SHOC1: variants seen among roughly 807,000 people sequenced by gnomAD.
SHOC1 encodes protein shortage in chiasmata 1 ortholog.
A neutral mutation model predicts 179.2 loss-of-function variants in SHOC1; 136 were observed. That is an observed-to-expected ratio of 0.76 (90% confidence interval 0.66 to 0.87). SHOC1 has a LOEUF of 0.87. Ranked by LOEUF, SHOC1 falls within the 40% of genes least tolerant of loss-of-function variation. SHOC1 has a pLI of 0.00. For synonymous variants in SHOC1, 489 were observed against 586.6 expected, an observed-to-expected ratio of 0.83 and a Z score of 2.41; for missense variants, 1,538 against 1,700.8, an observed-to-expected ratio of 0.90 and a Z score of 1.68.
chr9:111,736,405 A>G lies in SHOC1; in HGVS notation c.1417+1875T>C, dbSNP rs1012308594. Among the ~76,000 whole-genome samples, 7 of 152,332 alleles carry G rather than the reference A, an allele frequency of 4.6e-5. No individual in the cohort carries two copies. The South Asian group carries it at 1.4e-3, about 32-fold the overall frequency. On this transcript the variant is annotated intron_variant, in intron 12 of 27. Transcript: ENST00000682961. The stretch of plus-strand genomic sequence containing the variant: ...GGACAGAAGAGAGAACCTAGAATTA[A>G]AGTCGCACACCTACAGCCATCAGAT...
chr9:111,758,658 TA>T lies in SHOC1; in HGVS notation c.596+36del, dbSNP rs762242809. On this transcript the variant is annotated intron_variant, in intron 6 of 27. Coordinates refer to ENST00000682961, the MANE Select transcript of SHOC1 (RefSeq NM_001378211.1). Reference sequence around the variant, plus strand: ...ATCATACTAAAACATTTTCACCTCTTAAAAATATTTACAGCATTGGTCAATT... The same window carrying T: ...ATCATACTAAAACATTTTCACCTCTTAAAATATTTACAGCATTGGTCAATT... The T allele has an allele frequency of 2.0e-6, 3 of 1,519,924 alleles. No homozygotes were observed. In the South Asian group the frequency reaches 3.9e-5, roughly 20 times the overall value. 94.2% of individuals were successfully genotyped at this position (1,519,924 alleles called of 1,614,324 possible). A position where few individuals can be genotyped will look rare whatever the true frequency, so the allele number is the denominator to read the frequency against.
intron 12 of SHOC1, among the ~76,000 whole-genome samples, chr9:111,728,948 G>A (rs1256305601): frequency 6.6e-6 from 1 of 152,164 alleles, no homozygotes; most frequent in Admixed American, 6.5e-5. Flanking sequence ...CAGTACAAAT[G>A]TAAAAGTTAT....
In SHOC1 at chr9:111,766,080, G is replaced by A. The variant is rs144719051; in HGVS notation, c.443-7232C>T. Among the ~76,000 whole-genome samples, 108 of 151,938 alleles carry A rather than the reference G, an allele frequency of 7.1e-4. 1 individual carries two copies. The highest frequency in any genetic ancestry group is 2.5e-3 in the African/African-American group (102 of 41,440). On this transcript the variant is annotated intron_variant, in intron 5 of 27. Transcript: ENST00000682961. ...TCCCTACTACCCTTCCCTGCCTCTG[G>A]TAATCACCATTCTACTCTCTAACTT...
chr9:111,787,589 T>C (rs759339583), intron 2 of SHOC1, among the ~76,000 whole-genome samples: 31 of 152,236 alleles, frequency 2.0e-4, no homozygotes, highest in Non-Finnish European at 8.8e-5. Flanking sequence ...GAGGAGCTGC[T>C]TCTTATGGAT....
intron 5 of SHOC1, among the ~76,000 whole-genome samples, chr9:111,771,759 T>C (rs1317606950): frequency 6.6e-6 from 1 of 152,162 alleles, no homozygotes; most frequent in Non-Finnish European, 1.5e-5. Flanking sequence ...CTGTATGGTT[T>C]TTCATTGAAA....
In SHOC1 at chr9:111,694,267, C is replaced by A. The variant is rs1262271106; in HGVS notation, c.3279G>T (p.Trp1093Cys). The A allele has an allele frequency of 5.0e-6, 8 of 1,610,992 alleles. No individual in the cohort carries two copies. In the African/African-American group the frequency reaches 6.7e-5, roughly 13 times the overall value. Residue 1093 changes from tryptophan to cysteine, a missense_variant, in exon 25 of 28, where the codon TGG becomes TGT. By Grantham distance (215) the Trp-to-Cys change is radical (BLOSUM62 -2). Transcript: ENST00000682961. ...LMTSKRDPHE[W>C]LDKSWLKVSP... ...AAACTTTAAGCCAGGATTTATCCAACCATTCATGAGGATCTCTCTTTGAGG... is the reference window on the plus strand; with the variant it reads ...AAACTTTAAGCCAGGATTTATCCAAACATTCATGAGGATCTCTCTTTGAGG...
At chr9:111,718,344 A>C (rs534817926) in intron 15 of SHOC1, 56 bp from the exon 16 acceptor site, 2 of 1,147,006 alleles carry the variant, frequency 1.7e-6, no homozygotes, top group Admixed American at 5.0e-5. Context: ...GTTTTAGAAT[A>C]TGTATCAGAA....
chr9:111,781,129 T>G, intron 3 of SHOC1, 112 bp from the exon 4 acceptor site: 4 of 734,474 alleles, frequency 5.4e-6, no homozygotes, highest in Non-Finnish European at 8.9e-6. Context: ...TATTCACAAA[T>G]GTATTTTTTC....
intron 24 of SHOC1, among the ~76,000 whole-genome samples, chr9:111,695,106 C>G (rs932973738): frequency 6.6e-6 from 1 of 152,002 alleles, no homozygotes; most frequent in Non-Finnish European, 1.5e-5. Context: ...CCTTCTTTTT[C>G]TGCTTTCATT....
chr9:111,784,154 C>CAG (rs921419491), intron 3 of SHOC1, among the ~76,000 whole-genome samples: 1 of 152,324 alleles, frequency 6.6e-6, no homozygotes, highest in Admixed American at 6.5e-5. Context: ...CTGTCCTGAG[C>CAG]AGCTGTGCTC....
intron 8 of SHOC1, among the ~76,000 whole-genome samples, chr9:111,750,295 T>G (rs981660981): frequency 1.1e-4 from 16 of 143,830 alleles, no homozygotes; most frequent in Admixed American, 7.5e-4. Flanking sequence ...GATGTTAAGG[T>G]TTTTTTTTCA....
intron 6 of SHOC1, among the ~76,000 whole-genome samples, 154 bp from the exon 7 acceptor site, chr9:111,758,349 A>C (rs1834967200): frequency 1.3e-5 from 2 of 152,258 alleles, no homozygotes. Context: ...TAATCCCAGC[A>C]CTTTGGGAGG....
chr9:111,766,037 T>A (rs999553069), intron 5 of SHOC1, among the ~76,000 whole-genome samples: 1 of 152,130 alleles, frequency 6.6e-6, no homozygotes, highest in Non-Finnish European at 1.5e-5. Flanking sequence ...TATGTTCTTT[T>A]TTCCCCCTCA....
chr9:111,746,164 A>T, intron 10 of SHOC1, 70 bp downstream of exon 10: 1 of 1,031,784 alleles, frequency 9.7e-7, no homozygotes, highest in Non-Finnish European at 1.5e-6. Context: ...TTGCTTTTAT[A>T]TGGAGAGATT....
At chr9:111,753,052 TA>T (rs565505277) in intron 8 of SHOC1, among the ~76,000 whole-genome samples, 1 of 151,914 alleles carries the variant, frequency 6.6e-6, no homozygotes, top group Admixed American at 6.6e-5. Context: ...GTCTCAACAA[TA>T]AAAAAAGAAA....
chr9:111,766,035 T>G (rs1203386002), intron 5 of SHOC1, among the ~76,000 whole-genome samples: 1 of 152,128 alleles, frequency 6.6e-6, no homozygotes, highest in East Asian at 1.9e-4. Context: ...ATTATGTTCT[T>G]TTTTCCCCCT....
chr9:111,785,122 G>A (rs1836217011), intron 3 of SHOC1, among the ~76,000 whole-genome samples: 1 of 152,084 alleles, frequency 6.6e-6, no homozygotes, highest in Admixed American at 6.5e-5. Flanking sequence ...TCTTGAGTCA[G>A]GAACTTTGCA....
intron 4 of SHOC1, among the ~76,000 whole-genome samples, chr9:111,778,505 C>T (rs1033567554): frequency 1.1e-4 from 16 of 152,016 alleles, no homozygotes; most frequent in African/African-American, 3.4e-4. Context: ...CAGTGGCTCA[C>T]GCCTGTAATC....
Position 111,771,909 on chromosome 9 carries a change from T to A in SHOC1, c.442+3882A>T, listed in dbSNP as rs1018767641. Among the ~76,000 whole-genome samples, 16 of 152,292 alleles carry A rather than the reference T, an allele frequency of 1.1e-4. No individual in the cohort carries two copies. The South Asian group carries it at 2.3e-3, about 22-fold the overall frequency. ...TTGGGGTAGTCTTATTTGGGTTGAATCTCTTGGGTATTATCAGACCTTCCC... is the reference window on the plus strand; with the variant it reads ...TTGGGGTAGTCTTATTTGGGTTGAAACTCTTGGGTATTATCAGACCTTCCC... On this transcript the variant is annotated intron_variant, in intron 5 of 27. Transcript: ENST00000682961.
Sources: gnomAD v4.1 joint callset for allele counts (sites outside exome capture counted in the v4.1 genomes callset) on GRCh38, gnomAD v4.1.1 for gene constraint, MANE v1.5 for transcripts, NCBI Gene and HGNC (gene_info 2026-07-23, HGNC 2026-07-21) for gene names.